Variants in GRIP2 observed in about 807,000 individuals in gnomAD.
GRIP2 encodes glutamate receptor-interacting protein 2.
Under a neutral mutation model 108.3 loss-of-function variants are expected in GRIP2, and 58 were observed. The observed-to-expected ratio is 0.54, with a 90% CI of 0.43 to 0.67. The LOEUF is 0.67. GRIP2 is among the 30% of genes least tolerant of loss of function. The pLI, the probability that GRIP2 is intolerant of heterozygous loss-of-function variation, is 0.00. For missense variants in GRIP2, 1,278 were observed against 1,430.6 expected (o/e 0.89, Z 1.72); for synonymous variants, 586 against 598.2 (o/e 0.98, Z 0.30).
chr3:14,530,885 G>C (rs1365364696), intron 1 of GRIP2: 1 of 152,124 alleles, frequency 6.6e-6, no homozygotes. Context: ...AATCTTTTTA[G>C]TTATTTTTAA....
Position 14,509,811 on chromosome 3 carries a change from C to A in GRIP2, c.2078+9G>T. 6.8e-7 allele frequency: 1 copy of A among 1,472,412 alleles called. No homozygotes were observed. The highest frequency in any genetic ancestry group is 9.1e-7 in the Non-Finnish European group (1 of 1,102,308). The allele number at this position is 1,472,412 out of a possible 1,614,324, so 91.2% of individuals were successfully genotyped here. On this transcript the variant is annotated intron_variant, in intron 17 of 23. Coordinates refer to ENST00000621039, the MANE Select transcript of GRIP2 (RefSeq NM_001080423.4). ...GCCCACCATGCGTCCCCACAGAGCCCCAGTTCACCTCTCAGCCAGGCCACG... is the reference window on the plus strand; with the variant it reads ...GCCCACCATGCGTCCCCACAGAGCCACAGTTCACCTCTCAGCCAGGCCACG...
intron 17 of GRIP2, among the ~76,000 whole-genome samples, chr3:14,508,622 G>T (rs1011886622): frequency 6.6e-6 from 1 of 152,086 alleles, no homozygotes; most frequent in African/African-American, 2.4e-5. Context: ...GCTCCGGGAG[G>T]GGACCAGAGC....
chr3:14,566,468 C>T, the GRIP2 span, among the ~76,000 whole-genome samples: 6 of 152,258 alleles, frequency 3.9e-5, no homozygotes, highest in African/African-American at 7.2e-5. Context: ...ATACCCACCA[C>T]GCTGTGGTCT....
intron 4 of GRIP2, 90 bp downstream of exon 4, chr3:14,524,303 G>T: frequency 6.9e-7 from 1 of 1,447,414 alleles, no homozygotes; most frequent in South Asian, 1.4e-5. Context: ...CATCTGGCAT[G>T]ATCCCTGCCA....
At position 14,525,936 on chromosome 3, in the gene GRIP2, A is replaced by C; in HGVS notation, c.41-5T>G. On this transcript the variant is annotated splice_polypyrimidine_tract_variant and splice_region_variant and intron_variant, in intron 1 of 23. Coordinates refer to ENST00000621039, the MANE Select transcript of GRIP2 (RefSeq NM_001080423.4). ...CTTTGGAGTAGGGCCCATCGTCTGC[A>C]GGAGAGAAAGAGGGAAAGGCCGAGT... The C allele has an allele frequency of 3.9e-6, 6 of 1,554,954 alleles. No individual in the cohort carries two copies. The South Asian group carries it at 7.1e-5, about 18-fold the overall frequency.
At chr3:14,573,443 C>G in the GRIP2 span, 1 of 1,476,112 alleles carries the variant, frequency 6.8e-7, no homozygotes, top group South Asian at 1.1e-5. Context: ...GGAAGAGGGA[C>G]AGCCACAGGC....
chr3:14,561,969 G>A, the GRIP2 span, among the ~76,000 whole-genome samples: 1 of 152,234 alleles, frequency 6.6e-6, no homozygotes, highest in Non-Finnish European at 1.5e-5. Context: ...TGCCAAGCGT[G>A]GAGGTACAGC....
intron 16 of GRIP2, among the ~76,000 whole-genome samples, chr3:14,510,814 C>T (rs956115325): frequency 1.3e-5 from 2 of 152,112 alleles, no homozygotes; most frequent in African/African-American, 4.8e-5. Flanking sequence ...TCATAGCCTG[C>T]CACTCAAAAG....
the GRIP2 span, chr3:14,574,074 T>C: frequency 3.4e-6 from 5 of 1,474,636 alleles, no homozygotes. Context: ...GACGTTCTCG[T>C]AGACCCAGTG....
chr3:14,541,867 A>C (rs964314054), upstream of GRIP2: 23 of 1,324,248 alleles, frequency 1.7e-5, no homozygotes, highest in Admixed American at 4.7e-4. Context: ...ACGGGGGTAC[A>C]CGCACTCAAT....
chr3:14,544,265 T>C (rs1239520721), upstream of GRIP2, among the ~76,000 whole-genome samples: 1 of 152,154 alleles, frequency 6.6e-6, no homozygotes, highest in Non-Finnish European at 1.5e-5. Flanking sequence ...GTCCCTCACA[T>C]TGTCTCTCAG....
At position 14,502,620 on chromosome 3, in the gene GRIP2, A is replaced by C. The variant is rs563436888; in HGVS notation, c.2679+946T>G. Among the ~76,000 whole-genome samples, 7 of 152,338 alleles carry C rather than the reference A, an allele frequency of 4.6e-5. 1 individual carries two copies. The South Asian group carries it at 1.5e-3, about 32-fold the overall frequency. Reference sequence around the variant, plus strand: ...CAAAACAGAATTTAATTTAAGGTGGAAAGTGCATTTGCAAAATCTGGGATG... The same window carrying C: ...CAAAACAGAATTTAATTTAAGGTGGCAAGTGCATTTGCAAAATCTGGGATG... On this transcript the variant is annotated intron_variant, in intron 21 of 23. Transcript: ENST00000621039.
At chr3:14,573,799 G>T in the GRIP2 span, 1 of 1,548,100 alleles carries the variant, frequency 6.5e-7, no homozygotes, top group South Asian at 1.1e-5. Context: ...TGTCTCTTGT[G>T]GCCGGCAAGC....
intron 1 of GRIP2, chr3:14,526,132 G>A (rs1694548339): frequency 3.2e-6 from 2 of 615,968 alleles, no homozygotes; most frequent in South Asian, 1.9e-5. Context: ...TCTTGGGGCT[G>A]AGTAACATTC....
At chr3:14,523,732 C>T (rs370286168) in intron 4 of GRIP2, 34 bp from the exon 5 acceptor site, 1 of 1,441,264 alleles carries the variant, frequency 6.9e-7, no homozygotes, top group African/African-American at 1.4e-5. Flanking sequence ...TTGAGTCCCT[C>T]AGTCGCATCT....
chr3:14,580,426 T>C, the GRIP2 span, among the ~76,000 whole-genome samples: 1 of 152,206 alleles, frequency 6.6e-6, no homozygotes, highest in Non-Finnish European at 1.5e-5. Context: ...CTGGACGCAA[T>C]GGTGCACACT....
chr3:14,493,894 G>A (rs1693489340), intron 23 of GRIP2, 68 bp from the exon 24 acceptor site: 1 of 1,525,292 alleles, frequency 6.6e-7, no homozygotes, highest in Non-Finnish European at 8.9e-7. Context: ...GGAGCAAGAG[G>A]CATGTGATGT....
In GRIP2 at chr3:14,510,266, T is replaced by G. The variant is rs1396523785; in HGVS notation, c.1934-302A>C. 3.5e-4 allele frequency among the ~76,000 whole-genome samples: 51 copies of G among 147,492 alleles called. 3 individuals carry two copies. The South Asian group carries it at 0.01, about 30-fold the overall frequency. ...AACCCCGATCATCCGTTGTTTTTTT[T>G]TTTTTTTTTTTTTTGAGACAGAGTC... is the stretch of plus-strand genomic sequence containing the variant. On this transcript the variant is annotated intron_variant, in intron 16 of 23. Transcript: ENST00000621039.
rs777657137 is a variant in GRIP2 at position 14,517,154 on chromosome 3, G to C, written c.1216C>G (p.Pro406Ala). 4 of 1,609,606 alleles carry C rather than the reference G, an allele frequency of 2.5e-6. No homozygotes were observed. Among genetic ancestry groups the C allele is most frequent in the Non-Finnish European group, 3.4e-6 (4 of 1,178,352 alleles). ...TLNHAFSCNN[P>A]STLPRGSQPM... is the part of the protein sequence containing the mutation. Reference sequence around the variant, plus strand: ...TGGGATCCACGGGGAAGGGTGCTGGGGTTGTTGCAGGAAAAGGCGTGGTTC... The same window carrying C: ...TGGGATCCACGGGGAAGGGTGCTGGCGTTGTTGCAGGAAAAGGCGTGGTTC... Residue 406 changes from proline (P) to alanine (A), a missense_variant, in exon 11 of 24, where the codon CCC becomes GCC. Physicochemically the swap from Pro to Ala is conservative, Grantham distance 27. Coordinates refer to ENST00000621039, the MANE Select transcript of GRIP2 (RefSeq NM_001080423.4).
Sources: gnomAD v4.1 joint callset for allele counts (sites outside exome capture counted in the v4.1 genomes callset) on GRCh38, gnomAD v4.1.1 for gene constraint, MANE v1.5 for transcripts, NCBI Gene and HGNC (gene_info 2026-07-23, HGNC 2026-07-21) for gene names.